Variants in FBXL20 observed in about 807,000 individuals in gnomAD.
The protein encoded by FBXL20 is F-box/LRR-repeat protein 20.
In FBXL20, 11 loss-of-function variants were observed where a neutral mutation model predicts 64.0. The observed-to-expected ratio is 0.17, with a 90% CI of 0.11 to 0.28. The LOEUF is 0.28. FBXL20 is among the 10% of genes least tolerant of loss of function. The pLI is 1.00. For missense variants in FBXL20, 303 were observed against 526.2 expected, an observed-to-expected ratio of 0.58 and a Z score of 4.15; for synonymous variants, 184 against 189.0, an observed-to-expected ratio of 0.97 and a Z score of 0.22.
chr17:39,268,783 G>A lies in FBXL20; in HGVS notation c.933+44C>T, dbSNP rs1375960856. On this transcript the variant is annotated intron_variant, in intron 12 of 14. Transcript: ENST00000264658. ...CATTCTGATGTTGTGTATTATCTAAGTGTCTACTATACTGTATTTCTGAAT... is the reference window on the plus strand; with the variant it reads ...CATTCTGATGTTGTGTATTATCTAAATGTCTACTATACTGTATTTCTGAAT... 3 of 1,517,766 alleles carry A rather than the reference G, an allele frequency of 2.0e-6. No homozygotes were observed. In the African/African-American group the frequency reaches 4.1e-5, roughly 21 times the overall value. 94.0% of individuals were successfully genotyped at this position (1,517,766 alleles called of 1,614,324 possible). A position where few individuals can be genotyped will look rare whatever the true frequency, so the allele number is the denominator to read the frequency against.
chr17:39,317,576 T>C (rs538793128), intron 2 of FBXL20, among the ~76,000 whole-genome samples: 4 of 150,052 alleles, frequency 2.7e-5, no homozygotes, highest in African/African-American at 9.8e-5. Context: ...CCAAATAATA[T>C]GGTGATTATA....
At chr17:39,333,841 C>A (rs1260637156) in intron 2 of FBXL20, among the ~76,000 whole-genome samples, 2 of 152,044 alleles carry the variant, frequency 1.3e-5, no homozygotes, top group African/African-American at 2.4e-5. Flanking sequence ...GCCGCCACCC[C>A]GTCTGGGAGG....
Position 39,288,155 on chromosome 17 carries a change from C to T in FBXL20, c.399-2582G>A, listed in dbSNP as rs191216963. 8.6e-4 allele frequency among the ~76,000 whole-genome samples: 131 copies of T among 151,860 alleles called. 3 individuals are homozygous for T. In the East Asian group the frequency reaches 0.016, roughly 19 times the overall value. The stretch of plus-strand genomic sequence containing the variant: ...ATTTTTTTTGTAGTTTTAGTAGAGA[C>T]GGGGTTTCACCAAGTTAGTCAGGCT... On this transcript the variant is annotated intron_variant, in intron 6 of 14. Coordinates refer to ENST00000264658, the MANE Select transcript of FBXL20 (RefSeq NM_032875.3).
chr17:39,369,763 G>A (rs115796587), intron 1 of FBXL20, among the ~76,000 whole-genome samples: 2,151 of 152,194 alleles, frequency 0.014, 60 homozygotes, highest in African/African-American at 0.05. Flanking sequence ...AGCCTCCCCA[G>A]TAGCTGGGAC....
At chr17:39,342,287 C>T (rs1398974602) in intron 2 of FBXL20, among the ~76,000 whole-genome samples, 3 of 151,910 alleles carry the variant, frequency 2.0e-5, no homozygotes, top group African/African-American at 7.2e-5. Context: ...TACTGTAGGC[C>T]GGGTACAGTG....
chr17:39,347,143 A>G (rs1057197076), intron 1 of FBXL20, among the ~76,000 whole-genome samples: 58 of 152,336 alleles, frequency 3.8e-4, no homozygotes, highest in Non-Finnish European at 7.5e-4. Flanking sequence ...TAGTGCTGCA[A>G]TAAACATACA....
intron 2 of FBXL20, among the ~76,000 whole-genome samples, chr17:39,315,393 T>TTATA (rs59563317): frequency 0.036 from 4,809 of 134,538 alleles, 429 homozygotes; most frequent in African/African-American, 0.13. Flanking sequence ...TTTAAATAAT[T>TTATA]TATATATATA....
At chr17:39,334,125 A>C (rs2047495740) in intron 2 of FBXL20, among the ~76,000 whole-genome samples, 1 of 152,232 alleles carries the variant, frequency 6.6e-6, no homozygotes, top group Admixed American at 6.5e-5. Context: ...TTCTGTACTA[A>C]GAAAAATTCT....
intron 2 of FBXL20, among the ~76,000 whole-genome samples, chr17:39,315,861 GA>G (rs2047285755): frequency 1.6e-5 from 2 of 127,050 alleles, no homozygotes; most frequent in East Asian, 4.3e-4. Context: ...GAGAGAGAGA[GA>G]GAGAGAGAGC....
rs370726136 is a variant in FBXL20 at position 39,265,442 on chromosome 17, G to A, written c.945C>T (p.Ser315=). 2.5e-6 allele frequency: 4 copies of A among 1,608,740 alleles called. No homozygotes were observed. Among genetic ancestry groups the A allele is most frequent in the Non-Finnish European group, 3.4e-6 (4 of 1,175,326 alleles). Residue 315 remains serine (S), a synonymous_variant, in exon 13 of 15, where the codon AGC becomes AGT. Coordinates refer to ENST00000264658, the MANE Select transcript of FBXL20 (RefSeq NM_032875.3). ...AGTGTATAGAAAGTTGGATTAATGT[G>A]CTATCTGTTATCTGAAAGAAATAAC... ...DLEECVQITD[S]TLIQLSIHCP... is the part of the protein sequence containing the mutation.
intron 6 of FBXL20, among the ~76,000 whole-genome samples, chr17:39,292,586 TG>T (rs2047049317): frequency 6.6e-6 from 1 of 151,882 alleles, no homozygotes; most frequent in Non-Finnish European, 1.5e-5. Flanking sequence ...AACTCCTTAT[TG>T]TTCAGTTCTA....
At chr17:39,277,072 T>C (rs917353524) in intron 9 of FBXL20, among the ~76,000 whole-genome samples, 2 of 152,236 alleles carry the variant, frequency 1.3e-5, no homozygotes, top group Non-Finnish European at 1.5e-5. Context: ...GTCATGTCCA[T>C]AAATTACAAG....
intron 2 of FBXL20, among the ~76,000 whole-genome samples, chr17:39,324,869 T>A (rs979835454): frequency 6.6e-6 from 1 of 152,182 alleles, no homozygotes; most frequent in Non-Finnish European, 1.5e-5. Context: ...ATGTCAATGA[T>A]GGCATTTGAG....
At chr17:39,288,410 CTGT>C (rs1483786828) in intron 6 of FBXL20, among the ~76,000 whole-genome samples, 2 of 152,136 alleles carry the variant, frequency 1.3e-5, no homozygotes, top group African/African-American at 2.4e-5. Context: ...GAGAGAAGCA[CTGT>C]TATTAGATAT....
chr17:39,282,832 T>A lies in FBXL20; in HGVS notation c.518A>T (p.Gln173Leu). 6.8e-6 allele frequency: 11 copies of A among 1,614,152 alleles called. No homozygotes were observed. Among genetic ancestry groups the A allele is most frequent in the Non-Finnish European group, 9.3e-6 (11 of 1,180,026 alleles). ...TTGGTCACACCAGGAAATGTTCAAC[T>A]GCTCCAACAGTGGACATCCCTCACT... Reference protein sequence around the residue: ...ALSEGCPLLEQLNISWCDQVT... With the variant: ...ALSEGCPLLELLNISWCDQVT... The change falls in exon 8 of 15, where the codon CAG becomes CTG. Residue 173 changes from glutamine (Q) to leucine (L), a missense_variant. Around this residue, in one of 3 missense-constraint regions of FBXL20, gnomAD observed 246 missense variants for 422.6 expected, o/e 0.58. Transcript: ENST00000264658.
chr17:39,256,856 C>G lies in FBXL20; in HGVS notation c.*4604G>C, dbSNP rs2046700421. On this transcript the variant is annotated 3_prime_UTR_variant, in exon 15 of 15. Transcript: ENST00000264658. ...GACTAAACAAGCAGGCAGGAAGCCACTCTCTTCTTTCCAGTGACACTCTCA... is the reference window on the plus strand; with the variant it reads ...GACTAAACAAGCAGGCAGGAAGCCAGTCTCTTCTTTCCAGTGACACTCTCA... 1 of 152,232 alleles carries G rather than the reference C, an allele frequency of 6.6e-6. No individual in the cohort carries two copies. The highest frequency in any genetic ancestry group is 1.5e-5 in the Non-Finnish European group (1 of 68,058). The allele number at this position is 152,232 out of a possible 1,614,324, so 9.4% of individuals were successfully genotyped here.
chr17:39,320,651 G>C (rs2047346966), intron 2 of FBXL20, among the ~76,000 whole-genome samples: 1 of 148,604 alleles, frequency 6.7e-6, no homozygotes, highest in African/African-American at 2.5e-5. Context: ...CTGGAGTGCA[G>C]TGGCAAGATC....
chr17:39,367,882 G>C (rs545823595), intron 1 of FBXL20, among the ~76,000 whole-genome samples: 10 of 151,936 alleles, frequency 6.6e-5, no homozygotes, highest in African/African-American at 1.9e-4. Context: ...TCCTGCCTCA[G>C]GCTCCGGAGT....
intron 1 of FBXL20, among the ~76,000 whole-genome samples, chr17:39,355,323 TGAGAACAGCCTCCCAAAGTG>T (rs1008327834): frequency 1.3e-5 from 2 of 150,252 alleles, no homozygotes; most frequent in Admixed American, 6.6e-5. Context: ...CCCCTAAGGT[TGAGAACAGCCTCCCAAAGTG>T]CTGGGATTGC....
Sources: allele counts gnomAD v4.1 joint callset (sites outside exome capture counted in the v4.1 genomes callset), GRCh38; gene constraint gnomAD v4.1.1; regional missense constraint gnomAD v4.1.1; transcripts MANE v1.5; gene names NCBI Gene and HGNC (gene_info 2026-07-23, HGNC 2026-07-21).